Variants in TBC1D22B observed in about 807,000 individuals in gnomAD.
The protein encoded by TBC1D22B is TBC1 domain family member 22B.
Under a neutral mutation model 69.1 loss-of-function variants are expected in TBC1D22B, and 32 were observed. That is an observed-to-expected ratio of 0.46 (90% CI 0.35 to 0.62). The LOEUF (loss-of-function observed/expected upper bound fraction) is 0.62. Among genes scored for constraint, TBC1D22B ranks in the 20% least tolerant of loss-of-function variants. The probability of loss-of-function intolerance (pLI) is 0.00; values close to 1 mark genes in which losing one functional copy is unlikely to be tolerated. For synonymous variants in TBC1D22B, 206 were observed against 229.8 expected (o/e 0.90, Z 0.94); for missense variants, 462 against 630.9 (o/e 0.73, Z 2.87).
In TBC1D22B at chr6:37,314,032, G is replaced by C. The variant is rs556831538; in HGVS notation, c.1165+141G>C. 5.9e-5 allele frequency: 44 copies of C among 741,050 alleles called. No homozygotes were observed. The African/African-American group carries it at 6.9e-4, about 12-fold the overall frequency. 45.9% of individuals were successfully genotyped at this position (741,050 alleles called of 1,614,324 possible). ...CACTGAGTGCTGCTGGCAGCACCGG[G>C]ATCCTTCCACATCTCAGCAGGAAGG... On this transcript the variant is annotated intron_variant, in intron 10 of 12. Transcript: ENST00000373491.
At chr6:37,266,556 A>C (rs1175127809) in intron 1 of TBC1D22B, among the ~76,000 whole-genome samples, 1 of 149,986 alleles carries the variant, frequency 6.7e-6, no homozygotes, top group Admixed American at 6.7e-5. Context: ...CCGCCTCCCC[A>C]GCTCAAGCCA....
intron 5 of TBC1D22B, among the ~76,000 whole-genome samples, chr6:37,283,176 G>A (rs898466339): frequency 6.6e-6 from 1 of 152,168 alleles, no homozygotes. Context: ...AATAGTCATG[G>A]TGTCATGTTC....
At position 37,325,780 on chromosome 6, in the gene TBC1D22B, G is replaced by A. The variant is rs532778760; in HGVS notation, c.1390-5264G>A. ...AGCCAGGCTGGTCGCGAACTCCTAA[G>A]CTCAGGCAATCCACCCAACTCTGCC... is the stretch of plus-strand genomic sequence containing the variant. On this transcript the variant is annotated intron_variant, in intron 12 of 12. Transcript: ENST00000373491. Among the ~76,000 whole-genome samples the A allele has an allele frequency of 1.5e-3, 225 of 152,020 alleles. 1 individual carries two copies. Among genetic ancestry groups the A allele is most frequent in the African/African-American group, 5.3e-3 (219 of 41,472 alleles).
In TBC1D22B at chr6:37,284,545, G is replaced by C. The variant is rs114558820; in HGVS notation, c.801+81G>C. 1.9e-3 allele frequency: 2,645 copies of C among 1,421,862 alleles called. 46 individuals carry two copies. In the African/African-American group the frequency reaches 0.03, roughly 16 times the overall value. The allele number at this position is 1,421,862 out of a possible 1,614,324, so 88.1% of individuals were successfully genotyped here. Reference sequence around the variant, plus strand: ...TCATGGTAGTGCTCTCAGGGTACAGGCTTTCCAAGTCTTCAGGCTGTGGTA... The same window carrying C: ...TCATGGTAGTGCTCTCAGGGTACAGCCTTTCCAAGTCTTCAGGCTGTGGTA... On this transcript the variant is annotated intron_variant, in intron 6 of 12. Coordinates refer to ENST00000373491, the MANE Select transcript of TBC1D22B (RefSeq NM_017772.4).
intron 8 of TBC1D22B, among the ~76,000 whole-genome samples, chr6:37,303,607 C>T (rs1157747163): frequency 6.6e-6 from 1 of 152,196 alleles, no homozygotes; most frequent in African/African-American, 2.4e-5. Flanking sequence ...CCTTCCTTAG[C>T]ATTCCATCAC....
chr6:37,320,624 A>C (rs1360722800), intron 12 of TBC1D22B, among the ~76,000 whole-genome samples: 1 of 152,188 alleles, frequency 6.6e-6, no homozygotes, highest in Non-Finnish European at 1.5e-5. Flanking sequence ...GAGAGGAGGC[A>C]TCAGAGTACA....
intron 2 of TBC1D22B, among the ~76,000 whole-genome samples, chr6:37,277,995 G>A (rs560313635): frequency 2.0e-5 from 3 of 151,362 alleles, no homozygotes; most frequent in African/African-American, 7.3e-5. Context: ...ATGGTGGTGT[G>A]CGCCTATAGT....
intron 12 of TBC1D22B, among the ~76,000 whole-genome samples, chr6:37,327,490 A>AT (rs1768456207): frequency 2.1e-5 from 2 of 93,454 alleles, no homozygotes; most frequent in Non-Finnish European, 4.0e-5. Flanking sequence ...AAAAAAAAAA[A>AT]AAAAAAAAAA....
intron 8 of TBC1D22B, among the ~76,000 whole-genome samples, chr6:37,297,697 G>A (rs972034652): frequency 3.3e-5 from 5 of 152,232 alleles, no homozygotes; most frequent in African/African-American, 1.2e-4. Flanking sequence ...GTAGAAGTAT[G>A]TTTATTAAAA....
intron 11 of TBC1D22B, 95 bp downstream of exon 11, chr6:37,316,925 C>T (rs2113785519): frequency 6.3e-7 from 1 of 1,581,690 alleles, no homozygotes; most frequent in Admixed American, 1.7e-5. Context: ...GAAGCTTCCC[C>T]TTCTCCTCTT....
intron 7 of TBC1D22B, among the ~76,000 whole-genome samples, chr6:37,290,446 T>A (rs1481589227): frequency 6.6e-6 from 1 of 152,150 alleles, no homozygotes; most frequent in Non-Finnish European, 1.5e-5. Flanking sequence ...GAGGGCCTAA[T>A]GAAAGCGAGG....
intron 8 of TBC1D22B, among the ~76,000 whole-genome samples, chr6:37,295,080 G>A (rs1767316587): frequency 6.6e-6 from 1 of 152,134 alleles, no homozygotes; most frequent in Admixed American, 6.5e-5. Flanking sequence ...TGAGAAGGTT[G>A]ACTCCAATTT....
intron 8 of TBC1D22B, among the ~76,000 whole-genome samples, chr6:37,293,047 G>C (rs905879279): frequency 7.3e-5 from 11 of 151,262 alleles, no homozygotes; most frequent in Non-Finnish European, 1.0e-4. Context: ...AATTCTCACA[G>C]TATTTTTAAC....
Position 37,316,802 on chromosome 6 carries a change from G to T in TBC1D22B, c.1265G>T (p.Cys422Phe). Residue 422 changes from cysteine to phenylalanine, a missense_variant, in exon 11 of 13, where the codon TGC becomes TTC. Cys to Phe is a radical substitution (Grantham distance 205, BLOSUM62 -2). Around this residue, in one of 2 missense-constraint regions of TBC1D22B, gnomAD observed 225 missense variants for 375.4 expected, o/e 0.60. Coordinates refer to ENST00000373491, the MANE Select transcript of TBC1D22B (RefSeq NM_017772.4). ...CTTATGCGGGAGCTTCCTCTTCGCTGCACCATCCGCCTGTGGGACACATAT... is the reference window on the plus strand; with the variant it reads ...CTTATGCGGGAGCTTCCTCTTCGCTTCACCATCCGCCTGTGGGACACATAT... ...NLLMRELPLR[C>F]TIRLWDTYQS... is the part of the protein sequence containing the mutation. 1 of 1,614,190 alleles carries T rather than the reference G, an allele frequency of 6.2e-7. No individual in the cohort carries two copies. Among genetic ancestry groups the T allele is most frequent in the Non-Finnish European group, 8.5e-7 (1 of 1,180,036 alleles).
chr6:37,313,095 TC>T, intron 9 of TBC1D22B, 71 bp downstream of exon 9: 2 of 1,231,814 alleles, frequency 1.6e-6, no homozygotes, highest in Admixed American at 3.4e-5. Flanking sequence ...TTGGTTTCTT[TC>T]TTGCTCTTCT....
chr6:37,330,984 G>T (rs1014533885), intron 12 of TBC1D22B, 60 bp from the exon 13 acceptor site: 12 of 1,599,260 alleles, frequency 7.5e-6, no homozygotes, highest in Non-Finnish European at 9.4e-6. Flanking sequence ...CTAAGAATGG[G>T]TTCACTTGTC....
chr6:37,298,734 AC>A (rs1382824048), intron 8 of TBC1D22B, among the ~76,000 whole-genome samples: 1 of 151,934 alleles, frequency 6.6e-6, no homozygotes, highest in Non-Finnish European at 1.5e-5. Context: ...TTTAGGAAAG[AC>A]GGGGTTTCAC....
In TBC1D22B at chr6:37,279,457, C is replaced by T. The variant is rs755539907; in HGVS notation, c.267C>T (p.Asn89=). The change falls in exon 3 of 13, where the codon AAC becomes AAT. Residue 89 remains asparagine (N), a synonymous_variant. Coordinates refer to ENST00000373491, the MANE Select transcript of TBC1D22B (RefSeq NM_017772.4). The part of the protein sequence containing the change: ...DFSSPSFQTL[N]SKVALATAAQ... ...CCTCACCTTCTTTCCAAACTCTGAA[C>T]TCAAAAGTTGCTTTGGCAACTGCAG... 1 of 1,614,158 alleles carries T rather than the reference C, an allele frequency of 6.2e-7. No homozygotes were observed. Among genetic ancestry groups the T allele is most frequent in the Non-Finnish European group, 8.5e-7 (1 of 1,180,026 alleles).
chr6:37,320,966 T>C (rs1015470605), intron 12 of TBC1D22B, among the ~76,000 whole-genome samples: 1 of 152,222 alleles, frequency 6.6e-6, no homozygotes, highest in African/African-American at 2.4e-5. Context: ...GCTAGTGTAA[T>C]AGAATCATAA....
Sources: gnomAD v4.1 joint callset for allele counts (sites outside exome capture counted in the v4.1 genomes callset) on GRCh38, gnomAD v4.1.1 for gene constraint, gnomAD v4.1.1 regional missense constraint, MANE v1.5 for transcripts, NCBI Gene and HGNC (gene_info 2026-07-23, HGNC 2026-07-21) for gene names.